Variants in POGZ observed in about 807,000 individuals in gnomAD.
POGZ encodes the protein pogo transposable element derived with ZNF domain.
Under a neutral mutation model 134.6 loss-of-function variants are expected in POGZ, and 17 were observed. The observed-to-expected ratio is 0.13, with a 90% CI of 0.09 to 0.19. The LOEUF (loss-of-function observed/expected upper bound fraction) is 0.19. Among genes scored for constraint, POGZ ranks in the 10% least tolerant of loss-of-function variants. The pLI is 1.00. For missense variants in POGZ, 1,306 were observed against 1,769.7 expected, an observed-to-expected ratio of 0.74 and a Z score of 4.70; for synonymous variants, 693 against 657.1, an observed-to-expected ratio of 1.05 and a Z score of -0.84.
chr1:151,424,513 G>A (rs1441354822), intron 8 of POGZ: 4 of 407,928 alleles, frequency 9.8e-6, no homozygotes, highest in African/African-American at 8.2e-5. Context: ...CCTGTCTTAG[G>A]TCCCTTAATC....
chr1:151,408,200 C>T lies in POGZ; in HGVS notation c.2275G>A (p.Glu759Lys), dbSNP rs749648996. Residue 759 changes from glutamate to lysine, a missense_variant, in exon 15 of 19, where the codon GAG becomes AAG. Physicochemically the swap from Glu to Lys is moderately conservative, Grantham distance 56. This residue lies in a region of POGZ where 34 missense variants were observed against 95.5 expected (regional missense o/e 0.36). Transcript: ENST00000271715. The part of the protein sequence containing the change: ...GRQTCLECSF[E>K]IPDFPNHFPT... ...AAATGATTAGGGAAGTCTGGGATCT[C>T]GAAGCTGCACTCCAGGCATGTCTGC... The T allele has an allele frequency of 5.6e-6, 9 of 1,613,170 alleles. No individual in the cohort carries two copies. In the East Asian group the frequency reaches 6.7e-5, roughly 12 times the overall value.
chr1:151,414,746 C>A (rs1314948694), intron 10 of POGZ, among the ~76,000 whole-genome samples: 1 of 152,156 alleles, frequency 6.6e-6, no homozygotes, highest in Non-Finnish European at 1.5e-5. Context: ...GGCGCCACTA[C>A]ACTCCAGCCT....
intron 3 of POGZ, among the ~76,000 whole-genome samples, chr1:151,431,142 T>C (rs1433133254): frequency 6.6e-6 from 1 of 152,010 alleles, no homozygotes; most frequent in Non-Finnish European, 1.5e-5. Flanking sequence ...ATCTCAGGTT[T>C]AATGTGACCA....
intron 3 of POGZ, among the ~76,000 whole-genome samples, chr1:151,435,312 TTA>T (rs770547006): frequency 5.9e-5 from 9 of 152,206 alleles, no homozygotes; most frequent in Non-Finnish European, 1.2e-4. Context: ...ATTTATAACA[TTA>T]AATTCACATC....
rs1250162850 is a variant in POGZ at position 151,405,814 on chromosome 1, C to T, written c.3221G>A (p.Arg1074His). ...AGTCAGGTGGTGCCGCAGCATGAAACGCACAGCCCACTCATAGGAGATCTT... is the reference window on the plus strand; with the variant it reads ...AGTCAGGTGGTGCCGCAGCATGAAATGCACAGCCCACTCATAGGAGATCTT... Reference protein sequence around the residue: ...GFKISYEWAVRFMLRHHLTPH... With the variant: ...GFKISYEWAVHFMLRHHLTPH... Residue 1074 changes from arginine to histidine, a missense_variant, in exon 19 of 19, where the codon CGT (arginine) becomes CAT (histidine). Arg to His is a conservative substitution (Grantham distance 29). Coordinates refer to ENST00000271715, the MANE Select transcript of POGZ (RefSeq NM_015100.4). The surrounding 1 kb of genome is among the most constrained non-coding windows in gnomAD (Gnocchi z 4.9). The T allele has an allele frequency of 1.2e-6, 2 of 1,614,154 alleles. No individual in the cohort carries two copies. Among genetic ancestry groups the T allele is most frequent in the African/African-American group, 1.3e-5 (1 of 75,014 alleles).
intron 15 of POGZ, among the ~76,000 whole-genome samples, chr1:151,407,589 G>A (rs1306526044): frequency 6.6e-6 from 1 of 152,156 alleles, no homozygotes; most frequent in Non-Finnish European, 1.5e-5. Context: ...TATGAAATTA[G>A]AGCACAGACC....
chr1:151,423,670 T>A, intron 9 of POGZ, 119 bp from the exon 10 acceptor site: 1 of 797,998 alleles, frequency 1.3e-6, no homozygotes, highest in Non-Finnish European at 2.0e-6. Flanking sequence ...CCAGACTTCC[T>A]GTTTGGGATA....
Position 151,403,997 on chromosome 1 carries a change from G to A in POGZ, c.*805C>T. ...CAGAGGGATGGATGGTGTTGAGAAT[G>A]GGGAAAGGGGCCAAGGATCACAAGT... is the stretch of plus-strand genomic sequence containing the variant. On this transcript the variant is annotated 3_prime_UTR_variant, in exon 19 of 19. Coordinates refer to ENST00000271715, the MANE Select transcript of POGZ (RefSeq NM_015100.4). 1.0e-6 allele frequency: 1 copy of A among 985,296 alleles called. No individual in the cohort carries two copies. The highest frequency in any genetic ancestry group is 1.2e-6 in the Non-Finnish European group (1 of 829,832). 61.0% of individuals were successfully genotyped at this position (985,296 alleles called of 1,614,324 possible).
chr1:151,424,987 G>T lies in POGZ; in HGVS notation c.1153C>A (p.Arg385Ser). ...KICPRCNAQFRVTEALRGHMC... is the reference protein window; with the variant it reads ...KICPRCNAQFSVTEALRGHMC... ...TGACCTCTCAAAGCTTCAGTAACACGAAATTGAGCATTACATCGTGGACAT... is the reference window on the plus strand; with the variant it reads ...TGACCTCTCAAAGCTTCAGTAACACTAAATTGAGCATTACATCGTGGACAT... Residue 385 changes from arginine (R) to serine (S), a missense_variant, in exon 8 of 19, where the codon CGT (arginine) becomes AGT (serine). Arg to Ser is a moderately radical substitution (Grantham distance 110, BLOSUM62 -1). Transcript: ENST00000271715. The T allele has an allele frequency of 6.3e-7, 1 of 1,596,208 alleles. No individual in the cohort carries two copies. The highest frequency in any genetic ancestry group is 1.1e-5 in the South Asian group (1 of 88,944).
At chr1:151,445,566 G>GA (rs997303900) in intron 1 of POGZ, among the ~76,000 whole-genome samples, 14 of 140,522 alleles carry the variant, frequency 1.0e-4, no homozygotes, top group African/African-American at 2.4e-4. Context: ...AAAAAAGAAA[G>GA]AAAAAAAAGA....
In POGZ at chr1:151,428,432, G is replaced by C; in HGVS notation, c.569-19C>G. On this transcript the variant is annotated intron_variant, in intron 5 of 18. Coordinates refer to ENST00000271715, the MANE Select transcript of POGZ (RefSeq NM_015100.4). ...CCTGGGGCTTTAAAAGAGAGACAAA[G>C]TACCAGATCTTGGTCAGTGAGCTCA... 6.2e-7 allele frequency: 1 copy of C among 1,610,158 alleles called. No individual in the cohort carries two copies. Among genetic ancestry groups the C allele is most frequent in the Non-Finnish European group, 8.5e-7 (1 of 1,176,738 alleles).
intron 10 of POGZ, among the ~76,000 whole-genome samples, chr1:151,422,673 C>A (rs1314157675): frequency 1.3e-5 from 2 of 152,004 alleles, no homozygotes; most frequent in Non-Finnish European, 2.9e-5. Context: ...CTCACTGCAA[C>A]CTCCGCCTCC....
intron 12 of POGZ, among the ~76,000 whole-genome samples, 195 bp from the exon 13 acceptor site, chr1:151,409,023 T>C (rs957897429): frequency 6.6e-6 from 1 of 152,150 alleles, no homozygotes; most frequent in African/African-American, 2.4e-5. Flanking sequence ...TCCCATGATA[T>C]CAAAGAAAGA....
chr1:151,457,321 T>C (rs1662893683), intron 1 of POGZ, among the ~76,000 whole-genome samples: 1 of 152,210 alleles, frequency 6.6e-6, no homozygotes, highest in East Asian at 1.9e-4. Flanking sequence ...GTTAGACCAG[T>C]AATTCTCAAT....
chr1:151,423,376 T>A lies in POGZ; in HGVS notation c.1678+21A>T, dbSNP rs757083084. 5.9e-5 allele frequency: 95 copies of A among 1,608,664 alleles called. 1 individual carries two copies. Among genetic ancestry groups the A allele is most frequent in the Admixed American group, 2.8e-4 (17 of 59,968 alleles). The stretch of plus-strand genomic sequence containing the variant: ...AACAGCAAGGTATATTCCCCTTGAG[T>A]TTAAGAGTTTCCAAACTTACTAGTA... On this transcript the variant is annotated intron_variant, in intron 10 of 18. Transcript: ENST00000271715.
At chr1:151,456,390 G>A (rs1282810939) in intron 1 of POGZ, among the ~76,000 whole-genome samples, 1 of 152,112 alleles carries the variant, frequency 6.6e-6, no homozygotes, top group Non-Finnish European at 1.5e-5. Flanking sequence ...AATAAATACT[G>A]TCAGTTGTTT....
In POGZ at chr1:151,408,572, G is replaced by T; in HGVS notation, c.2071C>A (p.Arg691=). ...GLKPGTKVTI[R]ASRGQPRTVP... is the part of the protein sequence containing the mutation. ...GTTCGTGGCTGCCCTCGGGAAGCCC[G>T]GATTGTCACCTGAGAACCAAGGGAA... Residue 691 remains arginine, a synonymous_variant, in exon 14 of 19, where the codon CGG becomes AGG. Coordinates refer to ENST00000271715, the MANE Select transcript of POGZ (RefSeq NM_015100.4). 6.2e-7 allele frequency: 1 copy of T among 1,610,558 alleles called. No homozygotes were observed. Among genetic ancestry groups the T allele is most frequent in the South Asian group, 1.1e-5 (1 of 90,524 alleles).
At chr1:151,452,584 C>T (rs966975502) in intron 1 of POGZ, among the ~76,000 whole-genome samples, 2 of 152,018 alleles carry the variant, frequency 1.3e-5, no homozygotes, top group African/African-American at 2.4e-5. Flanking sequence ...ATCATCCTGT[C>T]ACCAGGCGCA....
At position 151,453,774 on chromosome 1, in the gene POGZ, T is replaced by A. The variant is rs141791642; in HGVS notation, c.-2+5378A>T. ...ACTCTCCTGGAGGGAAGGGGACTAT[T>A]TCTTAAATGCTGGCGAATATGGTAG... On this transcript the variant is annotated intron_variant, in intron 1 of 18. Transcript: ENST00000271715. Among the ~76,000 whole-genome samples, 678 of 152,304 alleles carry A rather than the reference T, an allele frequency of 4.5e-3. 8 individuals are homozygous for A. The highest frequency in any genetic ancestry group is 0.015 in the African/African-American group (641 of 41,570).
Sources: gnomAD v4.1 joint callset for allele counts (sites outside exome capture counted in the v4.1 genomes callset) on GRCh38, gnomAD v4.1.1 for gene constraint, gnomAD v4.1.1 regional missense constraint, Gnocchi (gnomAD v3.1) non-coding constraint, MANE v1.5 for transcripts, NCBI Gene and HGNC (gene_info 2026-07-23, HGNC 2026-07-21) for gene names.